ARL5A: variants seen among roughly 807,000 people sequenced by gnomAD.
ARL5A encodes the protein ARF like GTPase 5A.
Under a neutral mutation model 25.9 loss-of-function variants are expected in ARL5A, and 18 were observed. The observed-to-expected ratio is 0.69, with a 90% CI of 0.48 to 1.03. The LOEUF (loss-of-function observed/expected upper bound fraction) is 1.03, where lower values mean the gene tolerates loss of function less well. Among genes scored for constraint, ARL5A ranks in the 50% least tolerant of loss-of-function variants. ARL5A has a pLI of 0.00. For missense variants in ARL5A, 170 were observed against 211.9 expected (o/e 0.80, Z 1.23); for synonymous variants, 61 against 67.5 (o/e 0.90, Z 0.47).
intron 4 of ARL5A, among the ~76,000 whole-genome samples, chr2:151,811,870 CA>C (rs911832175): frequency 6.6e-6 from 1 of 152,092 alleles, no homozygotes; most frequent in South Asian, 2.1e-4. Flanking sequence ...CTGTGCCTGG[CA>C]GGTTATTTTT....
rs538743826 is a variant in ARL5A at position 151,801,218 on chromosome 2, A to G, written c.*2058T>C. ...TCATGTCAATAATCCACTACACTAA[A>G]CCAACTGTAACAAGGTAGTACATGC... On this transcript the variant is annotated 3_prime_UTR_variant, in exon 6 of 6. Transcript: ENST00000295087. The G allele has an allele frequency of 1.3e-5, 2 of 152,656 alleles. No homozygotes were observed. The highest frequency in any genetic ancestry group is 1.5e-5 in the Non-Finnish European group (1 of 67,998). 9.5% of individuals were successfully genotyped at this position (152,656 alleles called of 1,614,324 possible).
chr2:151,827,817 C>T (rs1026108545), intron 1 of ARL5A: 6 of 394,510 alleles, frequency 1.5e-5, no homozygotes, highest in Admixed American at 5.0e-5. Context: ...ACAGGCCAGG[C>T]CGTGCTACTC....
At chr2:151,821,255 T>C (rs933726450) in intron 1 of ARL5A, among the ~76,000 whole-genome samples, 8 of 152,216 alleles carry the variant, frequency 5.3e-5, no homozygotes, top group African/African-American at 1.2e-4. Context: ...TATGCAACCA[T>C]GCCCCCAAAC....
At position 151,807,051 on chromosome 2, in the gene ARL5A, A is replaced by T. The variant is rs1578372117; in HGVS notation, c.340-79T>A. On this transcript the variant is annotated intron_variant, in intron 4 of 5. Transcript: ENST00000295087. ...ACTTCATTAACAGAATCTTTTTCAC[A>T]ATCTTAGTAAACAAGAATTTCTCAA... 3 of 1,322,702 alleles carry T rather than the reference A, an allele frequency of 2.3e-6. No homozygotes were observed. In the East Asian group the frequency reaches 7.1e-5, roughly 31 times the overall value. The allele number at this position is 1,322,702 out of a possible 1,614,324, so 81.9% of individuals were successfully genotyped here.
chr2:151,811,648 T>C (rs2099830861), intron 4 of ARL5A, among the ~76,000 whole-genome samples: 1 of 152,214 alleles, frequency 6.6e-6, no homozygotes. Context: ...AACAGCTCAC[T>C]GTAGCCTTGA....
chr2:151,823,105 T>C lies in ARL5A; in HGVS notation c.46+5026A>G, dbSNP rs189905474. ...TGATTCATCATTTTTACCTCATATC[T>C]GAACTATCACTAAGCCCTATTAATT... is the stretch of plus-strand genomic sequence containing the variant. On this transcript the variant is annotated intron_variant, in intron 1 of 5. Transcript: ENST00000295087. Among the ~76,000 whole-genome samples the C allele has an allele frequency of 2.6e-5, 4 of 152,318 alleles. No homozygotes were observed. In the East Asian group the frequency reaches 7.7e-4, roughly 29 times the overall value.
chr2:151,803,532 T>C (rs891038675), intron 5 of ARL5A, among the ~76,000 whole-genome samples: 4 of 152,174 alleles, frequency 2.6e-5, no homozygotes, highest in African/African-American at 7.2e-5. Context: ...TCCTCTTTTT[T>C]AGACAGGGTC....
chr2:151,808,192 A>G (rs1289957507), intron 4 of ARL5A, among the ~76,000 whole-genome samples: 1 of 152,270 alleles, frequency 6.6e-6, no homozygotes, highest in Non-Finnish European at 1.5e-5. Flanking sequence ...TGAAACCCTC[A>G]TAAAATTCTG....
intron 5 of ARL5A, among the ~76,000 whole-genome samples, chr2:151,805,086 CA>C (rs2099829913): frequency 6.6e-6 from 1 of 151,970 alleles, no homozygotes; most frequent in Admixed American, 6.6e-5. Context: ...TCTTTATTGA[CA>C]AATATTATAA....
At chr2:151,814,130 T>C in intron 3 of ARL5A, 39 bp downstream of exon 3, 5 of 1,505,294 alleles carry the variant, frequency 3.3e-6, no homozygotes, top group Non-Finnish European at 4.4e-6. Flanking sequence ...TTTCCAAGCA[T>C]TCTGTTTATA....
chr2:151,816,082 A>T (rs2099831463), intron 1 of ARL5A, among the ~76,000 whole-genome samples: 1 of 152,156 alleles, frequency 6.6e-6, no homozygotes, highest in African/African-American at 2.4e-5. Flanking sequence ...AGCAGAAATG[A>T]CCAGACGTGA....
At chr2:151,811,959 T>C (rs189139427) in intron 4 of ARL5A, among the ~76,000 whole-genome samples, 3 of 152,320 alleles carry the variant, frequency 2.0e-5, no homozygotes, top group Admixed American at 6.5e-5. Context: ...TAACAGCAAT[T>C]ACATTTAAAT....
chr2:151,813,985 A>C (rs1017947060), intron 3 of ARL5A, among the ~76,000 whole-genome samples, 184 bp downstream of exon 3: 2 of 152,164 alleles, frequency 1.3e-5, no homozygotes, highest in Non-Finnish European at 1.5e-5. Context: ...CTCCCTATAG[A>C]GGTTCAATGA....
In ARL5A at chr2:151,799,090, GCTTT is replaced by G. The variant is rs1220632707; in HGVS notation, c.*4182_*4185del. 6.6e-6 allele frequency: 1 copy of G among 152,096 alleles called. No individual in the cohort carries two copies. The highest frequency in any genetic ancestry group is 1.5e-5 in the Non-Finnish European group (1 of 68,014). The allele number at this position is 152,096 out of a possible 1,614,324, so 9.4% of individuals were successfully genotyped here. ...TTAGCATCCAAAATTGTAATTTCTGGCTTTCTTTCCTTTTTACTCTATTATCATG... is the reference window on the plus strand; with the variant it reads ...TTAGCATCCAAAATTGTAATTTCTGGCTTTCCTTTTTACTCTATTATCATG... On this transcript the variant is annotated 3_prime_UTR_variant, in exon 6 of 6. Transcript: ENST00000295087.
rs369054819 is a variant in ARL5A, at chr2:151,799,818, T to C, written c.*3458A>G. ...ATAGAAACCACTGGTTTGGAAACCA[T>C]TGTCTATAACAATAGTTACAAAGAA... On this transcript the variant is annotated 3_prime_UTR_variant, in exon 6 of 6. Coordinates refer to ENST00000295087, the MANE Select transcript of ARL5A (RefSeq NM_012097.4). The C allele has an allele frequency of 1.1e-3, 175 of 152,250 alleles. No individual in the cohort carries two copies. The highest frequency in any genetic ancestry group is 3.9e-3 in the African/African-American group (162 of 41,540). 9.4% of individuals were successfully genotyped at this position (152,250 alleles called of 1,614,324 possible). A position where few individuals can be genotyped will look rare whatever the true frequency, so the allele number is the denominator to read the frequency against.
intron 1 of ARL5A, among the ~76,000 whole-genome samples, chr2:151,817,452 A>G (rs1002962102): frequency 2.0e-5 from 3 of 152,262 alleles, no homozygotes; most frequent in African/African-American, 7.2e-5. Context: ...ATAACACCTC[A>G]GAGTAAGATC....
Position 151,802,505 on chromosome 2 carries a change from T to C in ARL5A, c.*771A>G, listed in dbSNP as rs2151290649. On this transcript the variant is annotated 3_prime_UTR_variant, in exon 6 of 6. Transcript: ENST00000295087. ...CCTATTAGTAATACTAAGCCAAGAA[T>C]CTGCTAGCTTTCCCACTCTGTTGAA... is the stretch of plus-strand genomic sequence containing the variant. The C allele has an allele frequency of 6.6e-6, 1 of 152,244 alleles. No individual in the cohort carries two copies. The highest frequency in any genetic ancestry group is 6.5e-5 in the Admixed American group (1 of 15,292). 9.4% of individuals were successfully genotyped at this position (152,244 alleles called of 1,614,324 possible).
Position 151,802,430 on chromosome 2 carries a change from T to C in ARL5A, c.*846A>G, listed in dbSNP as rs958574679. The C allele has an allele frequency of 6.6e-6, 1 of 152,092 alleles. No homozygotes were observed. Among genetic ancestry groups the C allele is most frequent in the Non-Finnish European group, 1.5e-5 (1 of 67,956 alleles). The allele number at this position is 152,092 out of a possible 1,614,324, so 9.4% of individuals were successfully genotyped here. On this transcript the variant is annotated 3_prime_UTR_variant, in exon 6 of 6. Transcript: ENST00000295087. ...AATTTATTCAGTAATTTAGATGCCA[T>C]AAGAACCACTGAAAGGAATAATCTG...
chr2:151,806,817 T>C lies in ARL5A; in HGVS notation c.491+4A>G. The C allele has an allele frequency of 6.2e-7, 1 of 1,600,086 alleles. No homozygotes were observed. Among genetic ancestry groups the C allele is most frequent in the Middle Eastern group, 2.0e-4 (1 of 4,982 alleles). On this transcript the variant is annotated splice_donor_region_variant and intron_variant, in intron 5 of 5. Transcript: ENST00000295087. The stretch of plus-strand genomic sequence containing the variant: ...CGATAACATTTAAGAGGAAGATGTC[T>C]TACCCCTCGCCAGTTAGAGCACAGC...
Sources: gnomAD v4.1 joint callset for allele counts (sites outside exome capture counted in the v4.1 genomes callset) on GRCh38, gnomAD v4.1.1 for gene constraint, MANE v1.5 for transcripts, NCBI Gene and HGNC (gene_info 2026-07-23, HGNC 2026-07-21) for gene names.